The following PPP3CA variants were observed in gnomAD, a reference collection of about 807,000 sequenced individuals.
PPP3CA encodes protein phosphatase 3 catalytic subunit alpha, also known as CAM-PRP catalytic subunit.
PPP3CA carries 14 observed loss-of-function variants against 66.5 expected under a neutral mutation model. The observed-to-expected ratio is 0.21, with a 90% confidence interval of 0.14 to 0.33. The LOEUF is 0.33. Ranked by LOEUF, PPP3CA falls within the 10% of genes least tolerant of loss-of-function variation. The probability of loss-of-function intolerance (pLI) is 1.00; values close to 1 mark genes in which losing one functional copy is unlikely to be tolerated. For missense variants in PPP3CA, 317 were observed against 639.5 expected (o/e 0.50, Z 5.44); for synonymous variants, 232 against 226.2 (o/e 1.03, Z -0.23).
chr4:101,200,243 G>A (rs2110194916), intron 1 of PPP3CA, among the ~76,000 whole-genome samples: 1 of 152,234 alleles, frequency 6.6e-6, no homozygotes, highest in Non-Finnish European at 1.5e-5. Flanking sequence ...GATGGTCCGT[G>A]AAAATACTAG....
chr4:101,179,122 G>A (rs533961639), intron 2 of PPP3CA, among the ~76,000 whole-genome samples: 1 of 151,892 alleles, frequency 6.6e-6, no homozygotes, highest in African/African-American at 2.4e-5. Flanking sequence ...TCTCTCGAAC[G>A]ATCACCCACT....
chr4:101,315,434 T>G (rs1449919948), intron 1 of PPP3CA, among the ~76,000 whole-genome samples: 1 of 152,094 alleles, frequency 6.6e-6, no homozygotes, highest in African/African-American at 2.4e-5. Flanking sequence ...GATCACATAA[T>G]CAGTAAAATT....
intron 1 of PPP3CA, among the ~76,000 whole-genome samples, chr4:101,302,479 A>G (rs960125645): frequency 6.6e-6 from 1 of 152,250 alleles, no homozygotes; most frequent in African/African-American, 2.4e-5. Flanking sequence ...AGCATTCAAT[A>G]ATAAGACAAT....
At chr4:101,243,417 CT>C (rs1383499265) in intron 1 of PPP3CA, among the ~76,000 whole-genome samples, 2 of 152,118 alleles carry the variant, frequency 1.3e-5, no homozygotes, top group Non-Finnish European at 2.9e-5. Flanking sequence ...GTACAGTTGA[CT>C]CTCCATATCT....
At chr4:101,074,188 C>T (rs2110234619) in intron 8 of PPP3CA, among the ~76,000 whole-genome samples, 1 of 152,272 alleles carries the variant, frequency 6.6e-6, no homozygotes, top group Admixed American at 6.5e-5. Context: ...AAATATGGTT[C>T]AACTTTGTAG....
At chr4:101,219,237 T>TAGA (rs1725548892) in intron 1 of PPP3CA, among the ~76,000 whole-genome samples, 1 of 152,044 alleles carries the variant, frequency 6.6e-6, no homozygotes, top group East Asian at 1.9e-4. Flanking sequence ...TCCAGATTAT[T>TAGA]CTTCTACTTA....
chr4:101,094,225 C>G (rs557293443), intron 5 of PPP3CA, among the ~76,000 whole-genome samples: 3 of 152,242 alleles, frequency 2.0e-5, no homozygotes, highest in African/African-American at 7.2e-5. Context: ...TCCTATTCTA[C>G]ATTTTATCCT....
At chr4:101,058,598 A>G (rs1267042815) in intron 10 of PPP3CA, among the ~76,000 whole-genome samples, 3 of 152,190 alleles carry the variant, frequency 2.0e-5, no homozygotes, top group African/African-American at 4.8e-5. Context: ...GCACTCCTAC[A>G]ATTGGAATTA....
chr4:101,109,166 AATTTC>A (rs1721560733), intron 2 of PPP3CA, 88 bp from the exon 3 acceptor site: 1 of 1,336,056 alleles, frequency 7.5e-7, no homozygotes, highest in Admixed American at 2.0e-5. Flanking sequence ...AACCAGAATT[AATTTC>A]AAGTTTATCT....
chr4:101,150,411 G>A (rs1723101183), intron 2 of PPP3CA, among the ~76,000 whole-genome samples: 1 of 152,150 alleles, frequency 6.6e-6, no homozygotes, highest in African/African-American at 2.4e-5. Context: ...AGGTAAAACA[G>A]ATCTTGCTCT....
chr4:101,039,752 A>T lies in PPP3CA; in HGVS notation c.1241+730T>A, dbSNP rs1389854397. On this transcript the variant is annotated intron_variant, in intron 11 of 13. Transcript: ENST00000394854. ...GGGCAAAAATTTGGCAAAAAATTTGATTATTAAATTATCCAATTGTAGATG... is the reference window on the plus strand; with the variant it reads ...GGGCAAAAATTTGGCAAAAAATTTGTTTATTAAATTATCCAATTGTAGATG... Among the ~76,000 whole-genome samples the T allele has an allele frequency of 2.1e-5, 3 of 144,454 alleles. 1 individual carries two copies. Among genetic ancestry groups the T allele is most frequent in the Non-Finnish European group, 4.6e-5 (3 of 64,518 alleles). The allele number at this position is 144,454 out of a possible 152,430, so 94.8% of individuals were successfully genotyped here.
intron 1 of PPP3CA, among the ~76,000 whole-genome samples, chr4:101,299,708 C>A (rs1326425475): frequency 6.6e-6 from 1 of 151,996 alleles, no homozygotes; most frequent in African/African-American, 2.4e-5. Flanking sequence ...TTTTTAAATA[C>A]CCCCATTGTA....
At chr4:101,080,813 GT>G (rs1729402575) in intron 7 of PPP3CA, among the ~76,000 whole-genome samples, 187 bp from the exon 8 acceptor site, 1 of 152,184 alleles carries the variant, frequency 6.6e-6, no homozygotes, top group African/African-American at 2.4e-5. Flanking sequence ...TTTCAGGGGG[GT>G]GGGTATGAAA....
chr4:101,205,211 C>T (rs182948658), intron 1 of PPP3CA, among the ~76,000 whole-genome samples: 190 of 152,110 alleles, frequency 1.2e-3, no homozygotes, highest in Non-Finnish European at 2.3e-3. Context: ...TAAGACTAGA[C>T]GAATTTATTT....
chr4:101,307,012 G>A (rs180821703), intron 1 of PPP3CA, among the ~76,000 whole-genome samples: 12 of 152,212 alleles, frequency 7.9e-5, no homozygotes, highest in African/African-American at 2.9e-4. Context: ...TGCATGCTAT[G>A]TCTCCTCTCA....
intron 1 of PPP3CA, among the ~76,000 whole-genome samples, chr4:101,293,713 C>T (rs1728103959): frequency 6.6e-6 from 1 of 152,222 alleles, no homozygotes; most frequent in African/African-American, 2.4e-5. Flanking sequence ...TTCACCTCCA[C>T]CACAGCCATG....
intron 11 of PPP3CA, among the ~76,000 whole-genome samples, chr4:101,038,355 T>C (rs934873380): frequency 6.6e-6 from 1 of 151,954 alleles, no homozygotes; most frequent in South Asian, 2.1e-4. Flanking sequence ...TGTAGTTATT[T>C]AGCACACACT....
At chr4:101,280,390 A>G (rs1303705480) in intron 1 of PPP3CA, among the ~76,000 whole-genome samples, 2 of 152,194 alleles carry the variant, frequency 1.3e-5, no homozygotes, top group African/African-American at 4.8e-5. Context: ...GGCCACCATT[A>G]CTGCTCAGAA....
At chr4:101,165,458 C>CATT (rs772764687) in intron 2 of PPP3CA, among the ~76,000 whole-genome samples, 3 of 152,054 alleles carry the variant, frequency 2.0e-5, no homozygotes, top group Non-Finnish European at 4.4e-5. Context: ...TTAAACTGAA[C>CATT]ATTAACCTTT....
Sources: allele counts gnomAD v4.1 joint callset (sites outside exome capture counted in the v4.1 genomes callset), GRCh38; gene constraint gnomAD v4.1.1; transcripts MANE v1.5; gene names NCBI Gene and HGNC (gene_info 2026-07-23, HGNC 2026-07-21).